HELB: variants seen among roughly 807,000 people sequenced by gnomAD.
HELB encodes the protein DNA helicase B, also known as DNA 5'-3' helicase B.
HELB carries 96 observed loss-of-function variants against 101.7 expected under a neutral mutation model. That is an observed-to-expected ratio of 0.94 (90% CI 0.80 to 1.12). The LOEUF (loss-of-function observed/expected upper bound fraction) is 1.12. Ranked by LOEUF, HELB falls within the 50% of genes most tolerant of loss-of-function variation. The pLI is 0.00. For synonymous variants in HELB, 437 were observed against 459.7 expected (o/e 0.95, Z 0.63); for missense variants, 1,210 against 1,291.9 (o/e 0.94, Z 0.97).
At chr12:66,306,280 A>T in intron 2 of HELB, 65 bp from the exon 3 acceptor site, 2 of 1,235,636 alleles carry the variant, frequency 1.6e-6, no homozygotes, top group Non-Finnish European at 2.2e-6. Context: ...ATGAGAAAGT[A>T]CTTCAAATCA....
rs192801548 is a variant in HELB at position 66,316,757 on chromosome 12, T to G, written c.2000+1374T>G. On this transcript the variant is annotated intron_variant, in intron 6 of 12. Coordinates refer to ENST00000247815, the MANE Select transcript of HELB (RefSeq NM_001370285.1). ...ACATTAGGCCAGGCGCGGTGGCTCA[T>G]GCCTGTAATCCCACCACTTTGGGAG... Among the ~76,000 whole-genome samples, 1,137 of 151,842 alleles carry G rather than the reference T, an allele frequency of 7.5e-3. 22 individuals are homozygous for G. The highest frequency in any genetic ancestry group is 0.027 in the African/African-American group (1,099 of 41,394).
chr12:66,320,867 CT>C (rs998129812), intron 7 of HELB, among the ~76,000 whole-genome samples: 26 of 152,252 alleles, frequency 1.7e-4, no homozygotes, highest in African/African-American at 6.0e-4. Context: ...AAATGTATAT[CT>C]TAGAATCAAT....
At position 66,322,965 on chromosome 12, in the gene HELB, A is replaced by G. The variant is rs189818481; in HGVS notation, c.2297+182A>G. ...TATATGAATACATCCTTGGGAATTG[A>G]CATTTTAGTAATGAGTGGAATAAGA... On this transcript the variant is annotated intron_variant, in intron 9 of 12. Transcript: ENST00000247815. Among the ~76,000 whole-genome samples, 264 of 152,112 alleles carry G rather than the reference A, an allele frequency of 1.7e-3. 1 individual carries two copies. The highest frequency in any genetic ancestry group is 6.0e-3 in the African/African-American group (249 of 41,496).
At position 66,337,967 on chromosome 12, in the gene HELB, A is replaced by G. The variant is rs779351521; in HGVS notation, c.3163-34A>G. Reference sequence around the variant, plus strand: ...TAGGGTAGACTAACTACATTTTTACAAAATTAACTTTGTTATTTTAATTGT... The same window carrying G: ...TAGGGTAGACTAACTACATTTTTACGAAATTAACTTTGTTATTTTAATTGT... On this transcript the variant is annotated intron_variant, in intron 12 of 12. Transcript: ENST00000247815. The G allele has an allele frequency of 8.6e-6, 11 of 1,282,156 alleles. No individual in the cohort carries two copies. In the South Asian group the frequency reaches 1.2e-4, roughly 14 times the overall value. 79.4% of individuals were successfully genotyped at this position (1,282,156 alleles called of 1,614,324 possible).
At chr12:66,302,865 G>T in intron 1 of HELB, 75 bp downstream of exon 1, 1 of 1,308,278 alleles carries the variant, frequency 7.6e-7, no homozygotes, top group Non-Finnish European at 1.0e-6. Flanking sequence ...TTTGCCCTGA[G>T]CAAGGCACCC....
At chr12:66,303,105 TTTA>T (rs1186410970) in intron 1 of HELB, among the ~76,000 whole-genome samples, 1,724 of 103,278 alleles carry the variant, frequency 0.017, 41 homozygotes, top group African/African-American at 0.068. Flanking sequence ...TTTTTTTTTT[TTTA>T]AAATTATTCT....
chr12:66,313,888 T>G, intron 4 of HELB, 98 bp from the exon 5 acceptor site: 2 of 989,982 alleles, frequency 2.0e-6, no homozygotes, highest in Non-Finnish European at 3.2e-6. Context: ...CACCCACCCC[T>G]GCCAATTTAC....
chr12:66,325,098 C>T lies in HELB; in HGVS notation c.2642C>T (p.Ala881Val). The change falls in exon 11 of 13, where the codon GCA (alanine) becomes GTA (valine). Residue 881 changes from alanine to valine, a missense_variant. This residue lies in a region of HELB where 740 missense variants were observed against 728.8 expected (regional missense o/e 1.02). Coordinates refer to ENST00000247815, the MANE Select transcript of HELB (RefSeq NM_001370285.1). ...KLMKYCRIKH[A>V]WARTIHTFQG... ...ATGAAATATTGTCGCATAAAACATGCATGGGCAAGAACTATTCACACTTTT... is the reference window on the plus strand; with the variant it reads ...ATGAAATATTGTCGCATAAAACATGTATGGGCAAGAACTATTCACACTTTT... 3 of 1,611,700 alleles carry T rather than the reference C, an allele frequency of 1.9e-6. No homozygotes were observed. Among genetic ancestry groups the T allele is most frequent in the Non-Finnish European group, 2.5e-6 (3 of 1,177,990 alleles).
chr12:66,330,891 C>G (rs1162971597), intron 11 of HELB, among the ~76,000 whole-genome samples: 1 of 152,072 alleles, frequency 6.6e-6, no homozygotes, highest in Non-Finnish European at 1.5e-5. Flanking sequence ...TTTAATACTG[C>G]ATGCAGTCTT....
At chr12:66,337,732 A>G (rs1312745543) in intron 12 of HELB, among the ~76,000 whole-genome samples, 1 of 152,172 alleles carries the variant, frequency 6.6e-6, no homozygotes, top group African/African-American at 2.4e-5. Flanking sequence ...GGCCCTGTCT[A>G]CACCTTTAGA....
At chr12:66,317,816 C>T (rs2053626938) in intron 6 of HELB, among the ~76,000 whole-genome samples, 1 of 152,162 alleles carries the variant, frequency 6.6e-6, no homozygotes, top group Non-Finnish European at 1.5e-5. Context: ...TGGGCTATCG[C>T]CAGCAAGAAC....
At chr12:66,311,408 G>A (rs1299286573) in intron 4 of HELB, among the ~76,000 whole-genome samples, 3 of 152,016 alleles carry the variant, frequency 2.0e-5, no homozygotes, top group Admixed American at 2.0e-4. Flanking sequence ...GCTGCAGTGA[G>A]CCGTGTTTAG....
In HELB at chr12:66,304,779, G is replaced by A. The variant is rs1404917747; in HGVS notation, c.236G>A (p.Arg79His). 6.2e-6 allele frequency: 10 copies of A among 1,613,802 alleles called. No homozygotes were observed. The highest frequency in any genetic ancestry group is 1.1e-5 in the South Asian group (1 of 91,066). Reference protein sequence around the residue: ...NTQETCKVFGRFPITGAWWRV... With the variant: ...NTQETCKVFGHFPITGAWWRV... ...CAAGAGACATGTAAAGTGTTTGGAC[G>A]TTTTCCGATAACAGGTGCTTGGTGG... is the stretch of plus-strand genomic sequence containing the variant. The change falls in exon 2 of 13, where the codon CGT becomes CAT. Residue 79 changes from arginine (R) to histidine (H), a missense_variant. Around this residue, in one of 2 missense-constraint regions of HELB, gnomAD observed 470 missense variants for 563.1 expected, o/e 0.83. Transcript: ENST00000247815.
chr12:66,309,863 AT>A lies in HELB; in HGVS notation c.936del (p.Tyr312Ter), dbSNP rs1249969074. 1 of 1,614,198 alleles carries A rather than the reference AT, an allele frequency of 6.2e-7. No individual in the cohort carries two copies. The highest frequency in any genetic ancestry group is 1.1e-5 in the South Asian group (1 of 91,092). On this transcript the variant is annotated frameshift_variant, in exon 4 of 13. Transcript: ENST00000247815. LOFTEE classifies it high-confidence loss of function. ...ATATGTAGAGAAGATGGGCACACAT[AT>A]GTTGAAGTGAATGACTTAACTTTGA... ...KQICREDGHT[Y>X]VEVNDLTLTL...
chr12:66,302,774 C>T lies in HELB; in HGVS notation c.171C>T (p.Leu57=), dbSNP rs982508750. 22 of 1,609,950 alleles carry T rather than the reference C, an allele frequency of 1.4e-5. No individual in the cohort carries two copies. Among genetic ancestry groups the T allele is most frequent in the Non-Finnish European group, 1.9e-5 (22 of 1,177,220 alleles). The change falls in exon 1 of 13, where the codon CTC becomes CTT. Residue 57 remains leucine, a synonymous_variant. Transcript: ENST00000247815. Reference sequence around the variant, plus strand: ...GTGGGGGCGTAAAGGCTGGCAGCCTCCCCGGGTGCCTCCGCGGTGAGGAAG... The same window carrying T: ...GTGGGGGCGTAAAGGCTGGCAGCCTTCCCGGGTGCCTCCGCGGTGAGGAAG... The part of the protein sequence containing the change: ...LCSGGVKAGS[L]PGCLRVSICD...
At chr12:66,337,077 T>C (rs966041591) in intron 12 of HELB, among the ~76,000 whole-genome samples, 4 of 152,000 alleles carry the variant, frequency 2.6e-5, no homozygotes, top group African/African-American at 9.7e-5. Flanking sequence ...TCAGGTGGGG[T>C]TGGGCCTGAG....
intron 11 of HELB, among the ~76,000 whole-genome samples, chr12:66,325,452 C>A (rs1249808755): frequency 1.3e-5 from 2 of 152,096 alleles, no homozygotes; most frequent in Non-Finnish European, 2.9e-5. Context: ...ATCATGGATC[C>A]TTTTGTGCCT....
chr12:66,332,798 C>T (rs2053824772), intron 12 of HELB, among the ~76,000 whole-genome samples: 1 of 152,218 alleles, frequency 6.6e-6, no homozygotes. Context: ...GCTTCAGAGA[C>T]TCCCAGGTGC....
At chr12:66,339,419 G>C (rs2053900077), downstream of HELB, 1 of 151,630 alleles carries the variant, frequency 6.6e-6, no homozygotes, top group East Asian at 2.0e-4. Flanking sequence ...AGGATTACAA[G>C]TGTGAGCCAG....
Sources: allele counts gnomAD v4.1 joint callset (sites outside exome capture counted in the v4.1 genomes callset), GRCh38; gene constraint gnomAD v4.1.1; regional missense constraint gnomAD v4.1.1; transcripts MANE v1.5; gene names NCBI Gene and HGNC (gene_info 2026-07-23, HGNC 2026-07-21).